HPGDS: variants seen among roughly 807,000 people sequenced by gnomAD.
The protein encoded by HPGDS is GST class-sigma.
Under a neutral mutation model 23.1 loss-of-function variants are expected in HPGDS, and 26 were observed. The ratio of observed to expected loss-of-function variants is 1.13; its 90% CI spans 0.83 to 1.56. The LOEUF (loss-of-function observed/expected upper bound fraction) is 1.56. Among genes scored for constraint, HPGDS ranks in the 40% most tolerant of loss-of-function variants. The pLI, the probability that HPGDS is intolerant of heterozygous loss-of-function variation, is 0.00. For missense variants in HPGDS, 268 were observed against 236.4 expected (o/e 1.13, Z -0.88); for synonymous variants, 95 against 77.9 (o/e 1.22, Z -1.16).
At chr4:94,312,947 T>G (rs1756308614) in intron 3 of HPGDS, among the ~76,000 whole-genome samples, 1 of 152,216 alleles carries the variant, frequency 6.6e-6, no homozygotes, top group Admixed American at 6.5e-5. Flanking sequence ...TATCAGAGAC[T>G]AGGATTGCAA....
chr4:94,323,615 G>A (rs970691580), intron 2 of HPGDS, among the ~76,000 whole-genome samples: 11 of 151,806 alleles, frequency 7.2e-5, no homozygotes, highest in Non-Finnish European at 1.3e-4. Flanking sequence ...CCATTTGCTT[G>A]GTAGATCTTC....
At chr4:94,312,063 AT>A (rs1756286031) in intron 3 of HPGDS, among the ~76,000 whole-genome samples, 1 of 151,956 alleles carries the variant, frequency 6.6e-6, no homozygotes, top group African/African-American at 2.4e-5. Flanking sequence ...CAGTCTATCA[AT>A]TTTGTTGATC....
intron 3 of HPGDS, among the ~76,000 whole-genome samples, chr4:94,315,371 C>G (rs1030379175): frequency 6.6e-6 from 1 of 152,184 alleles, no homozygotes; most frequent in Non-Finnish European, 1.5e-5. Context: ...AATAAATAAC[C>G]TGTACCTATG....
intron 2 of HPGDS, among the ~76,000 whole-genome samples, chr4:94,328,602 T>C (rs1009975240): frequency 2.0e-5 from 3 of 152,258 alleles, no homozygotes. Flanking sequence ...AATATTTTAA[T>C]TGATTTCTCA....
chr4:94,338,961 C>A (rs1422349575), intron 1 of HPGDS, among the ~76,000 whole-genome samples: 1 of 152,134 alleles, frequency 6.6e-6, no homozygotes, highest in Admixed American at 6.6e-5. Flanking sequence ...TACCAGATAG[C>A]AAGACTTAGA....
intron 3 of HPGDS, among the ~76,000 whole-genome samples, chr4:94,309,733 T>G (rs532292461): frequency 2.5e-4 from 38 of 152,012 alleles, no homozygotes; most frequent in South Asian, 1.9e-3. Flanking sequence ...TGAACTAGTT[T>G]ACAGTCCCAC....
At chr4:94,323,094 G>A (rs1756551123) in intron 2 of HPGDS, among the ~76,000 whole-genome samples, 1 of 152,188 alleles carries the variant, frequency 6.6e-6, no homozygotes, top group Non-Finnish European at 1.5e-5. Context: ...TCTTAATCCT[G>A]AGTTCTAGTT....
intron 3 of HPGDS, among the ~76,000 whole-genome samples, chr4:94,317,107 T>TG (rs1243704750): frequency 6.6e-6 from 1 of 152,024 alleles, no homozygotes; most frequent in South Asian, 2.1e-4. Context: ...TTGTGAGCTA[T>TG]GTATGTGTCT....
chr4:94,323,816 G>A (rs749027076), intron 2 of HPGDS, among the ~76,000 whole-genome samples: 1 of 152,034 alleles, frequency 6.6e-6, no homozygotes, highest in Non-Finnish European at 1.5e-5. Flanking sequence ...ATATTAGCTG[G>A]TTATTTTGCC....
In HPGDS at chr4:94,340,309, CTCTTTTTTTTTT is replaced by C. The variant is rs1721123856; in HGVS notation, c.-10+2474_-10+2485del. ...TCTTTCTTTCTTTCTTTCTTTCTTT[CTCTTTTTTTTTT>C]TTTTTTTTTTTTTTTTTTTTTTTTT... On this transcript the variant is annotated intron_variant, in intron 1 of 5. Coordinates refer to ENST00000295256, the MANE Select transcript of HPGDS (RefSeq NM_014485.3). 2.3e-3 allele frequency among the ~76,000 whole-genome samples: 65 copies of C among 28,778 alleles called. 4 individuals carry two copies. Among genetic ancestry groups the C allele is most frequent in the African/African-American group, 5.0e-3 (41 of 8,276 alleles). 18.9% of individuals were successfully genotyped at this position (28,778 alleles called of 152,430 possible).
chr4:94,305,391 A>G (rs1416111995), intron 4 of HPGDS, among the ~76,000 whole-genome samples: 9 of 152,078 alleles, frequency 5.9e-5, no homozygotes, highest in African/African-American at 1.9e-4. Context: ...CAGACCCTAC[A>G]CACCTTACAT....
chr4:94,323,255 G>A (rs1756554386), intron 2 of HPGDS, among the ~76,000 whole-genome samples: 1 of 152,220 alleles, frequency 6.6e-6, no homozygotes, highest in South Asian at 2.1e-4. Flanking sequence ...TTGGGGTGGA[G>A]AGTTCTGTAG....
chr4:94,308,767 C>G (rs763545203), intron 3 of HPGDS, 24 bp from the exon 4 acceptor site: 2 of 1,230,202 alleles, frequency 1.6e-6, no homozygotes, highest in Admixed American at 3.5e-5. Flanking sequence ...AGAGGCCCAT[C>G]AATATGTTTA....
At chr4:94,320,921 T>A (rs1756494982) in intron 2 of HPGDS, among the ~76,000 whole-genome samples, 1 of 152,208 alleles carries the variant, frequency 6.6e-6, no homozygotes, top group Non-Finnish European at 1.5e-5. Context: ...CTTTAATCCA[T>A]CTTGAATGAA....
chr4:94,306,205 C>T (rs1395081636), intron 4 of HPGDS, among the ~76,000 whole-genome samples: 2 of 151,998 alleles, frequency 1.3e-5, no homozygotes, highest in Non-Finnish European at 2.9e-5. Context: ...AGACAAACAA[C>T]AAACAAGTAA....
intron 3 of HPGDS, among the ~76,000 whole-genome samples, chr4:94,311,983 T>A (rs1446895250): frequency 1.3e-5 from 2 of 152,184 alleles, no homozygotes; most frequent in African/African-American, 4.8e-5. Flanking sequence ...TCTGTGGTTA[T>A]ATCCCCTTTA....
rs897736908 is a variant in HPGDS at position 94,310,198 on chromosome 4, C to T, written c.227-1455G>A. ...GCTTTTGGTGTTTTAGACATGAAGT[C>T]CCTGCCCATGCCTATATCCTGAATT... On this transcript the variant is annotated intron_variant, in intron 3 of 5. Transcript: ENST00000295256. 3.9e-5 allele frequency among the ~76,000 whole-genome samples: 6 copies of T among 152,288 alleles called. 1 individual carries two copies. Among genetic ancestry groups the T allele is most frequent in the African/African-American group, 1.4e-4 (6 of 41,554 alleles).
intron 1 of HPGDS, among the ~76,000 whole-genome samples, chr4:94,338,834 T>C (rs904480716): frequency 1.3e-5 from 2 of 152,158 alleles, no homozygotes; most frequent in African/African-American, 4.8e-5. Context: ...TGATTGTCTA[T>C]ATTTAAACTT....
chr4:94,333,913 G>A (rs1756778068), intron 2 of HPGDS, among the ~76,000 whole-genome samples: 1 of 152,158 alleles, frequency 6.6e-6, no homozygotes, highest in Admixed American at 6.5e-5. Flanking sequence ...GATATTAATG[G>A]TAAAGTATCA....
Sources: allele counts gnomAD v4.1 joint callset (sites outside exome capture counted in the v4.1 genomes callset), GRCh38; gene constraint gnomAD v4.1.1; transcripts MANE v1.5; gene names NCBI Gene and HGNC (gene_info 2026-07-23, HGNC 2026-07-21).